NRBP1: variants seen among roughly 807,000 people sequenced by gnomAD.
NRBP1 encodes the protein nuclear receptor-binding protein.
In NRBP1, 10 loss-of-function variants were observed where a neutral mutation model predicts 76.0. That is an observed-to-expected ratio of 0.13 (90% CI 0.08 to 0.22). The LOEUF (loss-of-function observed/expected upper bound fraction) is 0.22. Ranked by LOEUF, NRBP1 falls within the 10% of genes least tolerant of loss-of-function variation. The pLI, the probability that NRBP1 is intolerant of heterozygous loss-of-function variation, is 1.00. For missense variants in NRBP1, 344 were observed against 646.0 expected (o/e 0.53, Z 5.07); for synonymous variants, 235 against 240.2 (o/e 0.98, Z 0.20).
chr2:27,428,334 G>A (rs1663943667), upstream of NRBP1: 2 of 262,596 alleles, frequency 7.6e-6, no homozygotes, highest in Non-Finnish European at 1.4e-5. Flanking sequence ...GAACTGTCAT[G>A]GCGCCTTCAA....
chr2:27,429,704 A>AT (rs1325468782), intron 1 of NRBP1, among the ~76,000 whole-genome samples: 1 of 152,156 alleles, frequency 6.6e-6, no homozygotes, highest in Non-Finnish European at 1.5e-5. Context: ...TTAGGAAGGG[A>AT]TAAAAAGTCA....
At chr2:27,435,513 C>T in intron 7 of NRBP1, 1 of 617,294 alleles carries the variant, frequency 1.6e-6, no homozygotes, top group Non-Finnish European at 2.9e-6. Flanking sequence ...GATTTGAGTC[C>T]TGGGGCCAGA....
intron 10 of NRBP1, among the ~76,000 whole-genome samples, chr2:27,439,215 C>T (rs911166331): frequency 3.4e-4 from 52 of 152,004 alleles, no homozygotes; most frequent in Middle Eastern, 6.8e-3. Flanking sequence ...GGGCCGGGCG[C>T]GGTGTCTCAT....
Position 27,441,794 on chromosome 2 carries a change from T to C in NRBP1, c.1590T>C (p.Ala530=), listed in dbSNP as rs1319697774. 2 of 1,612,056 alleles carry C rather than the reference T, an allele frequency of 1.2e-6. No homozygotes were observed. The highest frequency in any genetic ancestry group is 1.7e-6 in the Non-Finnish European group (2 of 1,178,164). ...FARNSTLNSA[A]VTVSS ...GGAACAGTACCCTCAACTCAGCCGC[T>C]GTCACCGTCTCCTCTTAGAGCTCAC... The change falls in exon 18 of 18, where the codon GCT becomes GCC. Residue 530 remains alanine, a synonymous_variant. Coordinates refer to ENST00000379852, the MANE Select transcript of NRBP1 (RefSeq NM_013392.4).
chr2:27,441,015 A>AT (rs1664524748), intron 14 of NRBP1, 75 bp downstream of exon 14: 2 of 1,609,348 alleles, frequency 1.2e-6, no homozygotes, highest in Non-Finnish European at 1.7e-6. Context: ...ATAAGGCTCT[A>AT]TCCTTTAGAG....
Position 27,434,750 on chromosome 2 carries a change from TCTCTGCCCTAAGGTAAGTAGTAC to T in NRBP1, c.557_566+13del. 6.2e-7 allele frequency: 1 copy of T among 1,614,160 alleles called. No homozygotes were observed. Among genetic ancestry groups the T allele is most frequent in the Non-Finnish European group, 8.5e-7 (1 of 1,180,024 alleles). ...TGGAAGCGTTGGTGCACACAAATCC[TCTCTGCCCTAAGGTAAGTAGTAC>T]CTGGTTAGTTTCTTACCCATATTTC... On this transcript the variant is annotated splice_donor_variant and splice_donor_5th_base_variant and coding_sequence_variant and intron_variant, in exon 6 of 18. Coordinates refer to ENST00000379852, the MANE Select transcript of NRBP1 (RefSeq NM_013392.4). LOFTEE classifies it high-confidence loss of function.
chr2:27,441,406 A>T, intron 16 of NRBP1, 76 bp downstream of exon 16: 12 of 1,415,928 alleles, frequency 8.5e-6, no homozygotes, highest in Non-Finnish European at 8.0e-6. Flanking sequence ...GGGGTGGGGG[A>T]GGTGACAAGG....
intron 1 of NRBP1, chr2:27,431,645 G>T (rs1664118979): frequency 6.6e-6 from 1 of 152,234 alleles, no homozygotes; most frequent in African/African-American, 2.4e-5. Flanking sequence ...TGCCCCAAGG[G>T]TAGCCTCACC....
chr2:27,428,745 G>A lies in NRBP1; in HGVS notation c.-21+14G>A, dbSNP rs1057178491. 5.0e-6 allele frequency: 2 copies of A among 397,834 alleles called. No homozygotes were observed. Among genetic ancestry groups the A allele is most frequent in the Admixed American group, 4.4e-5 (1 of 22,706 alleles). The allele number at this position is 397,834 out of a possible 1,614,324, so 24.6% of individuals were successfully genotyped here. A position where few individuals can be genotyped will look rare whatever the true frequency, so the allele number is the denominator to read the frequency against. On this transcript the variant is annotated intron_variant, in intron 1 of 17. Transcript: ENST00000379852. ...CGGAGTCGGGAGGTGAGCGCCCAGG[G>A]AAAAGAGGGCCCGGGAGGGAGGGGT...
chr2:27,441,914 T>A lies in NRBP1; in HGVS notation c.*102T>A. 1.4e-6 allele frequency: 1 copy of A among 720,178 alleles called. No homozygotes were observed. Among genetic ancestry groups the A allele is most frequent in the African/African-American group, 1.8e-5 (1 of 56,802 alleles). The allele number at this position is 720,178 out of a possible 1,614,324, so 44.6% of individuals were successfully genotyped here. On this transcript the variant is annotated 3_prime_UTR_variant, in exon 18 of 18. Transcript: ENST00000379852. ...AGTCAGTATTACCCTGTGAAGCCCC[T>A]TCCCTCCTTTATTATTCAGGAGGGC...
intron 7 of NRBP1, chr2:27,435,631 G>A (rs1387658337): frequency 5.6e-6 from 4 of 716,560 alleles, no homozygotes; most frequent in Middle Eastern, 2.3e-4. Flanking sequence ...TGGTATTTGT[G>A]TGTCCATTTG....
At position 27,440,949 on chromosome 2, in the gene NRBP1, T is replaced by C. The variant is rs376702958; in HGVS notation, c.1329+9T>C. On this transcript the variant is annotated intron_variant, in intron 14 of 17. Transcript: ENST00000379852. ...AGGTGGAGACTCGCAAGGTGGGGGC[T>C]GTGTGGGTGTGGATTGTCTCCATGG... The C allele has an allele frequency of 9.9e-6, 16 of 1,612,742 alleles. No individual in the cohort carries two copies. In the Admixed American group the frequency reaches 2.2e-4, roughly 22 times the overall value.
Position 27,434,585 on chromosome 2 carries a change from T to A in NRBP1, c.525+25T>A, listed in dbSNP as rs770167293. On this transcript the variant is annotated intron_variant, in intron 5 of 17. Transcript: ENST00000379852. Reference sequence around the variant, plus strand: ...GGTATAGAAGGAGAGCAGACAAAGTTTGAGGCTGGTTTTTGGGGGTGGTTT... The same window carrying A: ...GGTATAGAAGGAGAGCAGACAAAGTATGAGGCTGGTTTTTGGGGGTGGTTT... 3.7e-6 allele frequency: 6 copies of A among 1,607,958 alleles called. No homozygotes were observed. The African/African-American group carries it at 8.0e-5, about 22-fold the overall frequency.
In NRBP1 at chr2:27,438,698, A is replaced by G. The variant is rs531995056; in HGVS notation, c.904-1068A>G. Among the ~76,000 whole-genome samples the G allele has an allele frequency of 1.0e-3, 154 of 152,314 alleles. 1 individual carries two copies. The highest frequency in any genetic ancestry group is 3.5e-3 in the African/African-American group (147 of 41,572). On this transcript the variant is annotated intron_variant, in intron 10 of 17. Transcript: ENST00000379852. ...GCGGTGGTGGAACATGGTGGCTCAT[A>G]CTTTTAATCCCAGCACTTTTGGAGG...
rs1409910374 is a variant in NRBP1 at position 27,437,307 on chromosome 2, C to T, written c.850C>T (p.Pro284Ser). The change falls in exon 10 of 18, where the codon CCA (proline) becomes TCA (serine). Residue 284 changes from proline (P) to serine (S), a missense_variant. Pro to Ser is a moderately conservative substitution (Grantham distance 74, BLOSUM62 -1). Transcript: ENST00000379852. ...IQGNGESSYV[P>S]QEAISSAIQL... ...GGGCAATGGAGAGTCCTCATATGTG[C>T]CACAGGAAGCCATCAGCAGTGCCAT... 3.1e-6 allele frequency: 5 copies of T among 1,613,866 alleles called. No homozygotes were observed. In the South Asian group the frequency reaches 3.3e-5, roughly 11 times the overall value.
rs756204919 is a variant in NRBP1 at position 27,441,704 on chromosome 2, C to G, written c.1504-4C>G. The stretch of plus-strand genomic sequence containing the variant: ...CCCCATCTTACTGAGCTCTTCTCCC[C>G]CAGGCTGACCAGAGCCGGTTGACTT... On this transcript the variant is annotated splice_polypyrimidine_tract_variant and splice_region_variant and intron_variant, in intron 17 of 17. Transcript: ENST00000379852. 2 of 1,613,388 alleles carry G rather than the reference C, an allele frequency of 1.2e-6. No homozygotes were observed. Among genetic ancestry groups the G allele is most frequent in the African/African-American group, 1.3e-5 (1 of 74,900 alleles).
chr2:27,441,119 C>A lies in NRBP1; in HGVS notation c.1330-8C>A. On this transcript the variant is annotated splice_region_variant and splice_polypyrimidine_tract_variant and intron_variant, in intron 14 of 17. Transcript: ENST00000379852. The stretch of plus-strand genomic sequence containing the variant: ...GGTCTCTAGAGTGACCCTCTCTTCC[C>A]TCCCTAGGTGGTGCTGATGCAGTGC... 5 of 1,613,166 alleles carry A rather than the reference C, an allele frequency of 3.1e-6. No homozygotes were observed. Among genetic ancestry groups the A allele is most frequent in the Non-Finnish European group, 4.2e-6 (5 of 1,179,950 alleles).
At chr2:27,430,654 A>AT (rs895157796) in intron 1 of NRBP1, among the ~76,000 whole-genome samples, 12 of 151,176 alleles carry the variant, frequency 7.9e-5, no homozygotes, top group African/African-American at 2.7e-4. Context: ...ATATTTTTGT[A>AT]TTTTTTTGTT....
At chr2:27,430,478 T>TG (rs61609483) in intron 1 of NRBP1, among the ~76,000 whole-genome samples, 2 of 137,812 alleles carry the variant, frequency 1.5e-5, no homozygotes, top group Non-Finnish European at 1.5e-5. Flanking sequence ...TCTTTTTTTT[T>TG]TTTTTTTTGA....
Sources: allele counts gnomAD v4.1 joint callset (sites outside exome capture counted in the v4.1 genomes callset), GRCh38; gene constraint gnomAD v4.1.1; transcripts MANE v1.5; gene names NCBI Gene and HGNC (gene_info 2026-07-23, HGNC 2026-07-21).